The following CAMK1D variants were observed in gnomAD, a reference collection of about 807,000 sequenced individuals.
CAMK1D encodes calcium/calmodulin-dependent protein kinase type 1D.
Under a neutral mutation model 47.7 loss-of-function variants are expected in CAMK1D, and 9 were observed. The ratio of observed to expected loss-of-function variants is 0.19; its 90% CI spans 0.11 to 0.33. CAMK1D has a LOEUF of 0.33. Among genes scored for constraint, CAMK1D ranks in the 10% least tolerant of loss-of-function variants. The probability of loss-of-function intolerance (pLI) is 1.00; values close to 1 mark genes in which losing one functional copy is unlikely to be tolerated. For missense variants in CAMK1D, 291 were observed against 488.7 expected (o/e 0.60, Z 3.81); for synonymous variants, 184 against 184.9 (o/e 0.99, Z 0.04).
At chr10:12,738,454 T>C (rs1020692394) in intron 3 of CAMK1D, among the ~76,000 whole-genome samples, 4 of 152,222 alleles carry the variant, frequency 2.6e-5, no homozygotes. Flanking sequence ...TCATCCAAAA[T>C]GTAAACAAAG....
chr10:12,659,955 T>C (rs770387230), intron 2 of CAMK1D, among the ~76,000 whole-genome samples: 6 of 152,212 alleles, frequency 3.9e-5, no homozygotes, highest in Non-Finnish European at 5.9e-5. Flanking sequence ...TCCTTGCACA[T>C]TGCAGGGCAA....
intron 6 of CAMK1D, among the ~76,000 whole-genome samples, chr10:12,812,083 C>T (rs756429365): frequency 6.6e-6 from 1 of 152,230 alleles, no homozygotes; most frequent in East Asian, 1.9e-4. Flanking sequence ...CAGGCACGCC[C>T]CTGCGCAGCG....
At chr10:12,591,953 A>G (rs771711218) in intron 2 of CAMK1D, among the ~76,000 whole-genome samples, 9 of 152,178 alleles carry the variant, frequency 5.9e-5, no homozygotes, top group Non-Finnish European at 8.8e-5. Flanking sequence ...CGGCCTCCCA[A>G]AGTGCTAGGA....
In CAMK1D at chr10:12,630,414, T is replaced by A. The variant is rs547930101; in HGVS notation, c.225-36322T>A. Among the ~76,000 whole-genome samples the A allele has an allele frequency of 9.3e-5, 14 of 150,210 alleles. No individual in the cohort carries two copies. The East Asian group carries it at 2.4e-3, about 25-fold the overall frequency. ...AAAAAAAAGACAGGATCTCACTCAG[T>A]AGCCCAGGCTGGAGAACAGTGGTGT... On this transcript the variant is annotated intron_variant, in intron 2 of 10. Transcript: ENST00000619168.
chr10:12,788,400 C>T (rs778911633), intron 5 of CAMK1D, among the ~76,000 whole-genome samples: 23 of 152,308 alleles, frequency 1.5e-4, no homozygotes, highest in Admixed American at 5.9e-4. Flanking sequence ...TGCGCCATCT[C>T]ACTGAAGAGC....
chr10:12,814,381 G>A, intron 7 of CAMK1D, 74 bp downstream of exon 7: 1 of 924,910 alleles, frequency 1.1e-6, no homozygotes, highest in South Asian at 1.4e-5. Context: ...ACCCTGACAG[G>A]CCCAGGGGAC....
chr10:12,532,627 G>C (rs954228840), intron 1 of CAMK1D, among the ~76,000 whole-genome samples: 1 of 152,150 alleles, frequency 6.6e-6, no homozygotes, highest in African/African-American at 2.4e-5. Flanking sequence ...GTGTATCAAA[G>C]AGATATTTGC....
chr10:12,682,137 G>C (rs971052407), intron 3 of CAMK1D, among the ~76,000 whole-genome samples: 21 of 152,156 alleles, frequency 1.4e-4, no homozygotes, highest in Non-Finnish European at 2.2e-4. Context: ...GGAGAATGGC[G>C]TGAACCCGGG....
At chr10:12,697,930 T>G (rs927862703) in intron 3 of CAMK1D, among the ~76,000 whole-genome samples, 2 of 152,088 alleles carry the variant, frequency 1.3e-5, no homozygotes, top group Non-Finnish European at 2.9e-5. Flanking sequence ...AGGAAATGGC[T>G]CTTGTAATTT....
intron 3 of CAMK1D, among the ~76,000 whole-genome samples, chr10:12,671,911 C>CTTTTTTTTTTTTTTTTTTTTTTT (rs773722384): frequency 1.0e-5 from 1 of 98,922 alleles, no homozygotes. Context: ...TCACCTAATT[C>CTTTTTTTTTTTTTTTTTTTTTTT]TTTTTTTTTT....
At chr10:12,351,897 C>T (rs951891242) in intron 1 of CAMK1D, among the ~76,000 whole-genome samples, 1 of 152,152 alleles carries the variant, frequency 6.6e-6, no homozygotes, top group Non-Finnish European at 1.5e-5. Context: ...CCCACTGTAG[C>T]ACTGGCATTG....
chr10:12,603,753 G>A (rs978277300), intron 2 of CAMK1D, among the ~76,000 whole-genome samples: 1 of 152,108 alleles, frequency 6.6e-6, no homozygotes, highest in South Asian at 2.1e-4. Context: ...TCTTCTCCAG[G>A]ATAAGGAACA....
chr10:12,600,424 C>T (rs74119228), intron 2 of CAMK1D, among the ~76,000 whole-genome samples: 8,019 of 152,240 alleles, frequency 0.053, 457 homozygotes, highest in African/African-American at 0.14. Context: ...AACCTACTCA[C>T]GCTTGGTTTG....
At chr10:12,503,685 GT>G (rs1264809608) in intron 1 of CAMK1D, among the ~76,000 whole-genome samples, 5 of 152,278 alleles carry the variant, frequency 3.3e-5, no homozygotes, top group Middle Eastern at 6.8e-3. Context: ...TGGCTTGGGG[GT>G]TTTTCTTTTG....
intron 2 of CAMK1D, 84 bp downstream of exon 2, chr10:12,553,440 T>C: frequency 8.3e-7 from 1 of 1,211,914 alleles, no homozygotes; most frequent in Non-Finnish European, 1.2e-6. Flanking sequence ...AGGCAGACTT[T>C]CCCCGGGGGC....
chr10:12,377,492 A>G (rs1413497274), intron 1 of CAMK1D, among the ~76,000 whole-genome samples: 2 of 152,168 alleles, frequency 1.3e-5, no homozygotes, highest in Non-Finnish European at 2.9e-5. Context: ...TTCCCTTAAG[A>G]TTTTTTTGTT....
At chr10:12,396,734 C>A (rs956926600) in intron 1 of CAMK1D, among the ~76,000 whole-genome samples, 3 of 152,214 alleles carry the variant, frequency 2.0e-5, no homozygotes, top group Admixed American at 2.0e-4. Context: ...CTTCTCCCCG[C>A]AGCAGCTGTT....
chr10:12,397,999 G>A (rs556621810), intron 1 of CAMK1D, among the ~76,000 whole-genome samples: 2 of 152,250 alleles, frequency 1.3e-5, no homozygotes, highest in East Asian at 1.9e-4. Context: ...CACACTTTGA[G>A]TTGATAGCCA....
At chr10:12,667,648 A>T (rs1387097386) in intron 3 of CAMK1D, among the ~76,000 whole-genome samples, 2 of 152,242 alleles carry the variant, frequency 1.3e-5, no homozygotes, top group African/African-American at 4.8e-5. Context: ...AAGTTTAATG[A>T]CTGAGGAGAT....
Sources: gnomAD v4.1 joint callset for allele counts (sites outside exome capture counted in the v4.1 genomes callset) on GRCh38, gnomAD v4.1.1 for gene constraint, MANE v1.5 for transcripts, NCBI Gene and HGNC (gene_info 2026-07-23, HGNC 2026-07-21) for gene names.